PACS1: variants seen among roughly 807,000 people sequenced by gnomAD.
The protein encoded by PACS1 is phosphofurin acidic cluster sorting protein 1, also known as PACS-1.
In PACS1, 24 loss-of-function variants were observed where a neutral mutation model predicts 115.0. That is an observed-to-expected ratio of 0.21 (90% CI 0.15 to 0.29). PACS1 has a LOEUF of 0.29. Among genes scored for constraint, PACS1 ranks in the 10% least tolerant of loss-of-function variants. The pLI is 1.00. For synonymous variants in PACS1, 453 were observed against 504.5 expected, an observed-to-expected ratio of 0.90 and a Z score of 1.37; for missense variants, 838 against 1,251.2, an observed-to-expected ratio of 0.67 and a Z score of 4.98.
intron 1 of PACS1, among the ~76,000 whole-genome samples, chr11:66,138,088 A>G (rs1858891194): frequency 6.6e-6 from 1 of 151,048 alleles, no homozygotes; most frequent in African/African-American, 2.4e-5. Flanking sequence ...TGCCCCGTTT[A>G]TTTATTTATT....
At chr11:66,142,115 T>A (rs1859005748) in intron 1 of PACS1, among the ~76,000 whole-genome samples, 1 of 151,926 alleles carries the variant, frequency 6.6e-6, no homozygotes, top group Admixed American at 6.6e-5. Flanking sequence ...CGGCCAGAGA[T>A]GCAGTTTTGA....
At chr11:66,188,904 T>G (rs1260556320) in intron 1 of PACS1, among the ~76,000 whole-genome samples, 1 of 152,228 alleles carries the variant, frequency 6.6e-6, no homozygotes, top group African/African-American at 2.4e-5. Flanking sequence ...ATTAAAATAA[T>G]TCTTCTAATT....
chr11:66,239,914 C>T (rs1455661547), intron 21 of PACS1, among the ~76,000 whole-genome samples: 3 of 152,238 alleles, frequency 2.0e-5, no homozygotes, highest in Non-Finnish European at 2.9e-5. Context: ...CCAGCCACTC[C>T]GGAGGCCAAG....
chr11:66,234,162 C>T lies in PACS1; in HGVS notation c.2024C>T (p.Ser675Leu), dbSNP rs147954485. ...GSHPVAKYLG[S>L]VDSKYSSSFL... ...CACCCTGTGGCCAAATACTTGGGGT[C>T]AGTCGACAGTAAATACAGTAGTTCC... Residue 675 changes from serine (S) to leucine (L), a missense_variant, in exon 17 of 24, where the codon TCA becomes TTA. Transcript: ENST00000320580. The T allele has an allele frequency of 6.2e-7, 1 of 1,613,978 alleles. No individual in the cohort carries two copies. Among genetic ancestry groups the T allele is most frequent in the Non-Finnish European group, 8.5e-7 (1 of 1,179,828 alleles).
intron 10 of PACS1, among the ~76,000 whole-genome samples, chr11:66,225,751 T>C (rs1855458908): frequency 6.6e-6 from 1 of 152,236 alleles, no homozygotes; most frequent in East Asian, 1.9e-4. Context: ...AGACCTGTGT[T>C]ATCACCCAGT....
chr11:66,192,404 C>T (rs1854547146), intron 1 of PACS1, among the ~76,000 whole-genome samples: 2 of 152,124 alleles, frequency 1.3e-5, no homozygotes, highest in African/African-American at 4.8e-5. Flanking sequence ...GCTGAGGAGG[C>T]GTTAGGTGGC....
At chr11:66,090,051 T>C (rs1364943392) in intron 1 of PACS1, among the ~76,000 whole-genome samples, 1 of 145,756 alleles carries the variant, frequency 6.9e-6, no homozygotes, top group Non-Finnish European at 1.5e-5. Context: ...TAAATTCAAG[T>C]ATTTGTTAAC....
intron 1 of PACS1, among the ~76,000 whole-genome samples, chr11:66,137,426 A>G (rs1346141452): frequency 1.3e-5 from 2 of 152,232 alleles, no homozygotes; most frequent in East Asian, 3.8e-4. Context: ...ATTATATTAA[A>G]TTCATGACAC....
chr11:66,159,038 A>G (rs1184408285), intron 1 of PACS1, among the ~76,000 whole-genome samples: 1 of 152,256 alleles, frequency 6.6e-6, no homozygotes, highest in Middle Eastern at 3.2e-3. Flanking sequence ...ACTGGGATCT[A>G]TAAGATAATA....
intron 2 of PACS1, among the ~76,000 whole-genome samples, chr11:66,198,512 C>T (rs1854698645): frequency 1.3e-5 from 2 of 149,450 alleles, no homozygotes; most frequent in Admixed American, 1.3e-4. Context: ...CACAAAAAAC[C>T]ACATATTGTA....
chr11:66,240,639 C>T (rs909396436), intron 21 of PACS1, among the ~76,000 whole-genome samples: 4 of 152,070 alleles, frequency 2.6e-5, no homozygotes, highest in African/African-American at 9.7e-5. Context: ...CAGCCAAGTT[C>T]TGCCCTGGGG....
chr11:66,076,039 A>G (rs1244885606), intron 1 of PACS1, among the ~76,000 whole-genome samples: 2 of 152,182 alleles, frequency 1.3e-5, no homozygotes, highest in African/African-American at 4.8e-5. Context: ...GCTCAGCCAC[A>G]TTAAAAGTCT....
chr11:66,100,302 CT>C (rs572162641), intron 1 of PACS1, among the ~76,000 whole-genome samples: 19 of 152,176 alleles, frequency 1.2e-4, no homozygotes, highest in Non-Finnish European at 2.2e-4. Context: ...CCAAGAGGTA[CT>C]TGGAAGAAAC....
At chr11:66,103,914 A>C (rs975241767) in intron 1 of PACS1, among the ~76,000 whole-genome samples, 1 of 151,988 alleles carries the variant, frequency 6.6e-6, no homozygotes, top group Non-Finnish European at 1.5e-5. Flanking sequence ...GTGCTGTTTT[A>C]TCTGTGCCCC....
intron 11 of PACS1, among the ~76,000 whole-genome samples, chr11:66,229,586 G>A (rs983198233): frequency 6.2e-4 from 94 of 151,328 alleles, no homozygotes; most frequent in Non-Finnish European, 1.2e-3. Flanking sequence ...GGCTGAGGCA[G>A]GAGAATGGCA....
intron 1 of PACS1, among the ~76,000 whole-genome samples, chr11:66,074,864 T>G (rs1363325343): frequency 6.6e-6 from 1 of 152,032 alleles, no homozygotes; most frequent in African/African-American, 2.4e-5. Context: ...AGCCAAGATA[T>G]ACTACTCTAT....
chr11:66,197,315 C>T (rs1224469114), intron 2 of PACS1, among the ~76,000 whole-genome samples: 5 of 152,012 alleles, frequency 3.3e-5, no homozygotes, highest in East Asian at 3.9e-4. Flanking sequence ...TAATTAAATT[C>T]GACTTCAGAT....
In PACS1 at chr11:66,172,994, T is replaced by C. The variant is rs565260899; in HGVS notation, c.357-20492T>C. Among the ~76,000 whole-genome samples the C allele has an allele frequency of 8.2e-4, 113 of 138,062 alleles. 1 individual carries two copies. In the East Asian group the frequency reaches 0.024, roughly 29 times the overall value. The allele number at this position is 138,062 out of a possible 152,430, so 90.6% of individuals were successfully genotyped here. On this transcript the variant is annotated intron_variant, in intron 1 of 23. Coordinates refer to ENST00000320580, the MANE Select transcript of PACS1 (RefSeq NM_018026.4). ...TGTCTCAAAAAAAAAAAAAAAAAAG[T>C]GTTATCAGTATTGTTACACAGCAGT...
intron 23 of PACS1, 21 bp from the exon 24 acceptor site, chr11:66,243,144 C>T: frequency 3.1e-6 from 5 of 1,612,122 alleles, no homozygotes; most frequent in Non-Finnish European, 4.2e-6. Flanking sequence ...CTGGTCACCC[C>T]TCCTCTCCTG....
Sources: allele counts gnomAD v4.1 joint callset (sites outside exome capture counted in the v4.1 genomes callset), GRCh38; gene constraint gnomAD v4.1.1; transcripts MANE v1.5; gene names NCBI Gene and HGNC (gene_info 2026-07-23, HGNC 2026-07-21).